The following PCDHA12 variants were observed in gnomAD, a reference collection of about 807,000 sequenced individuals.
PCDHA12 encodes protocadherin alpha 12.
In PCDHA12, 44 loss-of-function variants were observed where a neutral mutation model predicts 60.0. That is an observed-to-expected ratio of 0.73 (90% CI 0.58 to 0.94). The LOEUF (loss-of-function observed/expected upper bound fraction) is 0.94. Ranked by LOEUF, PCDHA12 falls within the 40% of genes least tolerant of loss-of-function variation. PCDHA12 has a pLI of 0.00. For synonymous variants in PCDHA12, 569 were observed against 553.0 expected, an observed-to-expected ratio of 1.03 and a Z score of -0.40; for missense variants, 1,276 against 1,239.7, an observed-to-expected ratio of 1.03 and a Z score of -0.44.
chr5:140,961,564 T>A (rs2095622037), intron 1 of PCDHA12, among the ~76,000 whole-genome samples: 1 of 152,208 alleles, frequency 6.6e-6, no homozygotes, highest in African/African-American at 2.4e-5. Flanking sequence ...TTTTAAATTT[T>A]GTTTTGATAA....
chr5:140,899,982 AT>A (rs1290251020), intron 1 of PCDHA12, among the ~76,000 whole-genome samples: 2 of 150,600 alleles, frequency 1.3e-5, no homozygotes, highest in African/African-American at 4.9e-5. Flanking sequence ...TACTTTTTTG[AT>A]TTTTTTTGTA....
chr5:140,922,726 C>T lies in PCDHA12; in HGVS notation c.2367+44887C>T, dbSNP rs118091551. On this transcript the variant is annotated intron_variant, in intron 1 of 3. Coordinates refer to ENST00000398631, the MANE Select transcript of PCDHA12 (RefSeq NM_018903.4). ...GTCAAGAACAAAAAGAAACACTTGA[C>T]AAGGTTGAGAAAAATAAATGGAAAA... is the stretch of plus-strand genomic sequence containing the variant. 6.6e-5 allele frequency among the ~76,000 whole-genome samples: 10 copies of T among 152,012 alleles called. No homozygotes were observed. The East Asian group carries it at 1.9e-3, about 29-fold the overall frequency.
chr5:140,902,284 T>C (rs2069352303), intron 1 of PCDHA12, among the ~76,000 whole-genome samples: 2 of 149,984 alleles, frequency 1.3e-5, no homozygotes, highest in South Asian at 4.3e-4. Context: ...GCAATCCTCC[T>C]GCCTCAGCCT....
chr5:140,929,201 T>C (rs146014873), intron 1 of PCDHA12: 3 of 1,614,168 alleles, frequency 1.9e-6, no homozygotes, highest in East Asian at 4.5e-5. Flanking sequence ...AACAGTTTGC[T>C]GTTGCGTGGG....
intron 1 of PCDHA12, among the ~76,000 whole-genome samples, chr5:140,964,396 G>A (rs2095829712): frequency 6.6e-6 from 1 of 152,188 alleles, no homozygotes; most frequent in South Asian, 2.1e-4. Flanking sequence ...TTTCTCCCAA[G>A]ACATGACATT....
At chr5:140,980,584 C>A (rs1447001293) in intron 2 of PCDHA12, among the ~76,000 whole-genome samples, 1 of 151,934 alleles carries the variant, frequency 6.6e-6, no homozygotes, top group Non-Finnish European at 1.5e-5. Context: ...GAGCCAAGAT[C>A]GAGCCACTGC....
At chr5:140,883,760 CG>C (rs1160842473) in intron 1 of PCDHA12, 1 of 1,612,672 alleles carries the variant, frequency 6.2e-7, no homozygotes, top group Non-Finnish European at 8.5e-7. Context: ...GGTGGAGCGG[CG>C]GGTGGGCGAG....
chr5:140,942,817 T>C (rs1479369594), intron 1 of PCDHA12, among the ~76,000 whole-genome samples: 2 of 152,160 alleles, frequency 1.3e-5, no homozygotes, highest in African/African-American at 4.8e-5. Context: ...ACTAGTTGGA[T>C]TTGGCCCTGT....
At chr5:140,995,924 G>A (rs998405229) in intron 3 of PCDHA12, among the ~76,000 whole-genome samples, 16 of 152,308 alleles carry the variant, frequency 1.1e-4, no homozygotes, top group African/African-American at 3.8e-4. Flanking sequence ...ATAGGCTGTT[G>A]TAAGTATTAA....
chr5:140,976,037 T>C (rs1466922826), intron 1 of PCDHA12, among the ~76,000 whole-genome samples: 1 of 152,200 alleles, frequency 6.6e-6, no homozygotes, highest in Non-Finnish European at 1.5e-5. Context: ...ATTTCAACTG[T>C]GATTGAAATT....
At chr5:141,007,258 A>G (rs1160413471) in intron 3 of PCDHA12, among the ~76,000 whole-genome samples, 1 of 152,110 alleles carries the variant, frequency 6.6e-6, no homozygotes, top group Non-Finnish European at 1.5e-5. Flanking sequence ...AGTTAAAAGA[A>G]GCAGATACAG....
At chr5:140,932,734 C>G (rs1295804671) in intron 1 of PCDHA12, among the ~76,000 whole-genome samples, 2 of 151,588 alleles carry the variant, frequency 1.3e-5, no homozygotes, top group Non-Finnish European at 1.5e-5. Context: ...AATATAGACC[C>G]TCAAATCAGT....
At chr5:140,931,782 C>T (rs967402790) in intron 1 of PCDHA12, among the ~76,000 whole-genome samples, 9 of 151,848 alleles carry the variant, frequency 5.9e-5, no homozygotes, top group Non-Finnish European at 5.9e-5. Flanking sequence ...GTTCAATTAC[C>T]TATTGATCTG....
chr5:140,940,195 T>C (rs2092570084), intron 1 of PCDHA12, among the ~76,000 whole-genome samples: 1 of 152,220 alleles, frequency 6.6e-6, no homozygotes, highest in African/African-American at 2.4e-5. Flanking sequence ...TTTACATGGG[T>C]GTAAAATTCA....
intron 1 of PCDHA12, among the ~76,000 whole-genome samples, chr5:140,964,913 A>G (rs1254329232): frequency 6.6e-6 from 1 of 152,202 alleles, no homozygotes; most frequent in African/African-American, 2.4e-5. Context: ...CTCTGGAATA[A>G]CACTGGCTAG....
chr5:140,917,152 G>A (rs1407958115), intron 1 of PCDHA12, among the ~76,000 whole-genome samples: 1 of 152,012 alleles, frequency 6.6e-6, no homozygotes, highest in Admixed American at 6.6e-5. Context: ...GCTGCTGGGG[G>A]ATATGGGAGG....
intron 1 of PCDHA12, among the ~76,000 whole-genome samples, chr5:140,923,219 C>T (rs557006469): frequency 1.3e-5 from 2 of 152,094 alleles, no homozygotes; most frequent in East Asian, 1.9e-4. Context: ...GTGAAAGGAT[C>T]GTTTGAGCCC....
chr5:140,883,621 C>G (rs368758287), intron 1 of PCDHA12: 2 of 1,613,850 alleles, frequency 1.2e-6, no homozygotes, highest in African/African-American at 2.7e-5. Flanking sequence ...TGAACGACAA[C>G]GCGCCGGCGT....
At chr5:140,893,510 G>A (rs1554185640) in intron 1 of PCDHA12, among the ~76,000 whole-genome samples, 1 of 152,148 alleles carries the variant, frequency 6.6e-6, no homozygotes, top group African/African-American at 2.4e-5. Flanking sequence ...AAAAAAAGCA[G>A]TTGTAGAACT....
Sources: gnomAD v4.1 joint callset for allele counts (sites outside exome capture counted in the v4.1 genomes callset) on GRCh38, gnomAD v4.1.1 for gene constraint, MANE v1.5 for transcripts, NCBI Gene and HGNC (gene_info 2026-07-23, HGNC 2026-07-21) for gene names.